Variants in RABL2B observed in about 807,000 individuals in gnomAD.
RABL2B encodes rab-like protein 2B.
A neutral mutation model predicts 26.7 loss-of-function variants in RABL2B; 17 were observed. That is an observed-to-expected ratio of 0.64 (90% CI 0.44 to 0.95). The LOEUF is 0.95. Ranked by LOEUF, RABL2B falls within the 40% of genes least tolerant of loss-of-function variation. The probability of loss-of-function intolerance (pLI) is 0.00; values close to 1 mark genes in which losing one functional copy is unlikely to be tolerated. For missense variants in RABL2B, 170 were observed against 277.2 expected (o/e 0.61, Z 2.75); for synonymous variants, 70 against 103.9 (o/e 0.67, Z 1.99).
At chr22:50,773,795 C>T (rs1256600969) in intron 5 of RABL2B, among the ~76,000 whole-genome samples, 2 of 151,692 alleles carry the variant, frequency 1.3e-5, no homozygotes, top group Non-Finnish European at 2.9e-5. Flanking sequence ...CCATGCATCT[C>T]TCTCAGTGCC....
At position 50,767,908 on chromosome 22, in the gene RABL2B, G is replaced by A; in HGVS notation, c.*868C>T. The A allele has an allele frequency of 2.9e-6, 1 of 342,982 alleles. No homozygotes were observed. Among genetic ancestry groups the A allele is most frequent in the South Asian group, 2.1e-5 (1 of 47,214 alleles). 21.2% of individuals were successfully genotyped at this position (342,982 alleles called of 1,614,324 possible). On this transcript the variant is annotated 3_prime_UTR_variant, in exon 9 of 9. Transcript: ENST00000691320. ...TAGAAGAGCTCCTGAAACAGAATGG[G>A]TACACGAAAATCTGGAATGAATAGC...
chr22:50,770,916 T>TTTA (rs1569153024), intron 5 of RABL2B, among the ~76,000 whole-genome samples: 2 of 145,312 alleles, frequency 1.4e-5, no homozygotes, highest in East Asian at 3.9e-4. Flanking sequence ...TTTATTTTTT[T>TTTA]TTTTTTGTAG....
Position 50,775,891 on chromosome 22 carries a change from C to T in RABL2B, c.218-40G>A, listed in dbSNP as rs138749069. The T allele has an allele frequency of 3.0e-4, 485 of 1,613,770 alleles. 11 individuals carry two copies. In the South Asian group the frequency reaches 4.8e-3, roughly 16 times the overall value. On this transcript the variant is annotated intron_variant, in intron 4 of 8. Coordinates refer to ENST00000691320, the MANE Select transcript of RABL2B (RefSeq NM_001130919.3). Reference sequence around the variant, plus strand: ...CAGACAGACCTACATGCCTGGTGCACTTCTGTGCAAGTCACTAAGATACAA... The same window carrying T: ...CAGACAGACCTACATGCCTGGTGCATTTCTGTGCAAGTCACTAAGATACAA...
chr22:50,777,521 T>C (rs1252601164), intron 3 of RABL2B: 1 of 276,946 alleles, frequency 3.6e-6, no homozygotes, highest in African/African-American at 2.5e-5. Context: ...TAACAATTCA[T>C]GGGAGAAAGG....
intron 2 of RABL2B, among the ~76,000 whole-genome samples, chr22:50,778,341 G>A (rs1405093456): frequency 1.3e-5 from 2 of 151,602 alleles, no homozygotes; most frequent in African/African-American, 2.4e-5. Flanking sequence ...GGTCGGGCGC[G>A]GTGGCTCACG....
chr22:50,772,019 T>A (rs2084266151), intron 5 of RABL2B: 1 of 152,192 alleles, frequency 6.6e-6, no homozygotes, highest in African/African-American at 2.4e-5. Context: ...TATGTATTTA[T>A]TTTGAGATGG....
chr22:50,777,736 A>G (rs2085205813), intron 3 of RABL2B: 1 of 671,858 alleles, frequency 1.5e-6, no homozygotes, highest in Non-Finnish European at 2.7e-6. Flanking sequence ...AATATAAAAC[A>G]ATCCAAATAT....
At chr22:50,769,432 G>A (rs1367933781) in intron 7 of RABL2B, 23 bp downstream of exon 7, 1 of 1,611,006 alleles carries the variant, frequency 6.2e-7, no homozygotes, top group Non-Finnish European at 8.5e-7. Context: ...GACCTTGCTA[G>A]CTACCTCTGC....
Position 50,768,627 on chromosome 22 carries a change from C to G in RABL2B, c.*149G>C. ...TGGTGCTGACCTCATCCCTGTATCA[C>G]GGGCCTAGAATGTGGGAGGCTAATA... On this transcript the variant is annotated 3_prime_UTR_variant, in exon 9 of 9. Coordinates refer to ENST00000691320, the MANE Select transcript of RABL2B (RefSeq NM_001130919.3). 6.8e-7 allele frequency: 1 copy of G among 1,472,908 alleles called. No homozygotes were observed. Among genetic ancestry groups the G allele is most frequent in the Non-Finnish European group, 9.0e-7 (1 of 1,108,110 alleles). 91.2% of individuals were successfully genotyped at this position (1,472,908 alleles called of 1,614,324 possible).
intron 2 of RABL2B, among the ~76,000 whole-genome samples, chr22:50,778,306 G>A (rs1475547668): frequency 6.6e-6 from 1 of 151,078 alleles, no homozygotes; most frequent in African/African-American, 2.5e-5. Context: ...CCAAAGCTGC[G>A]CCTTCCGTTC....
At chr22:50,781,727 C>T (rs539491056) in intron 2 of RABL2B, among the ~76,000 whole-genome samples, 2 of 152,050 alleles carry the variant, frequency 1.3e-5, no homozygotes, top group Admixed American at 6.5e-5. Flanking sequence ...ACGTAGGCAC[C>T]GAAATTCATT....
chr22:50,781,249 C>T (rs1246242827), intron 2 of RABL2B, among the ~76,000 whole-genome samples: 1 of 150,274 alleles, frequency 6.7e-6, no homozygotes, highest in Admixed American at 6.7e-5. Flanking sequence ...AAGGCTGTGG[C>T]AGGAGAATGG....
chr22:50,778,206 C>T (rs1254401510), intron 2 of RABL2B, among the ~76,000 whole-genome samples: 5 of 151,072 alleles, frequency 3.3e-5, no homozygotes, highest in East Asian at 3.9e-4. Context: ...CACCAGCCCA[C>T]GTGAAGCTCT....
chr22:50,771,972 T>G (rs533669767), intron 5 of RABL2B: 1 of 152,262 alleles, frequency 6.6e-6, no homozygotes, highest in East Asian at 1.9e-4. Context: ...TTGTATTACT[T>G]TATAATTTGT....
intron 2 of RABL2B, among the ~76,000 whole-genome samples, chr22:50,780,263 A>G (rs2085602644): frequency 6.6e-6 from 1 of 151,916 alleles, no homozygotes; most frequent in Non-Finnish European, 1.5e-5. Context: ...CCTTAAAGAA[A>G]GCCTGGTGAC....
At chr22:50,773,957 T>A (rs8143130) in intron 5 of RABL2B, among the ~76,000 whole-genome samples, 1 of 151,982 alleles carries the variant, frequency 6.6e-6, no homozygotes, top group African/African-American at 2.4e-5. Flanking sequence ...TGCAGTGGCG[T>A]GATCTCGGCT....
chr22:50,773,881 T>G lies in RABL2B; in HGVS notation c.297+1891A>C, dbSNP rs1456482535. On this transcript the variant is annotated intron_variant, in intron 5 of 8. Coordinates refer to ENST00000691320, the MANE Select transcript of RABL2B (RefSeq NM_001130919.3). Reference sequence around the variant, plus strand: ...TAGAAAGGTGGGTGTCTAAATGCTATGGGGTGCCATGGCAGACTTTATTTT... The same window carrying G: ...TAGAAAGGTGGGTGTCTAAATGCTAGGGGGTGCCATGGCAGACTTTATTTT... Among the ~76,000 whole-genome samples the G allele has an allele frequency of 5.3e-5, 8 of 151,310 alleles. No individual in the cohort carries two copies. In the East Asian group the frequency reaches 1.5e-3, roughly 29 times the overall value.
intron 5 of RABL2B, 62 bp from the exon 6 acceptor site, chr22:50,770,078 A>G: frequency 1.6e-5 from 26 of 1,602,230 alleles, no homozygotes; most frequent in Non-Finnish European, 2.0e-5. Flanking sequence ...CCCCATCTCC[A>G]GGTGACTCAC....
intron 5 of RABL2B, chr22:50,771,780 G>A (rs1249550122): frequency 6.6e-6 from 1 of 151,012 alleles, no homozygotes; most frequent in Non-Finnish European, 1.5e-5. Flanking sequence ...GGCTAATTTT[G>A]TTTATTTTTT....
Sources: allele counts gnomAD v4.1 joint callset (sites outside exome capture counted in the v4.1 genomes callset), GRCh38; gene constraint gnomAD v4.1.1; transcripts MANE v1.5; gene names NCBI Gene and HGNC (gene_info 2026-07-23, HGNC 2026-07-21).